DGKB: variants seen among roughly 807,000 people sequenced by gnomAD.
DGKB encodes the protein 90 kDa diacylglycerol kinase.
Under a neutral mutation model 114.3 loss-of-function variants are expected in DGKB, and 67 were observed. The observed-to-expected ratio is 0.59, with a 90% CI of 0.48 to 0.72. The LOEUF is 0.72. DGKB is among the 30% of genes least tolerant of loss of function. The pLI, the probability that DGKB is intolerant of heterozygous loss-of-function variation, is 0.00. For synonymous variants in DGKB, 398 were observed against 323.1 expected, an observed-to-expected ratio of 1.23 and a Z score of -2.49; for missense variants, 907 against 975.2, an observed-to-expected ratio of 0.93 and a Z score of 0.93.
chr7:14,444,104 G>T (rs549671998), intron 21 of DGKB, among the ~76,000 whole-genome samples: 9 of 151,718 alleles, frequency 5.9e-5, no homozygotes, highest in African/African-American at 2.2e-4. Flanking sequence ...AATTTGGCTT[G>T]TTTTTCAAAT....
At chr7:14,584,398 C>T (rs1029013842) in intron 17 of DGKB, among the ~76,000 whole-genome samples, 1 of 152,106 alleles carries the variant, frequency 6.6e-6, no homozygotes, top group Non-Finnish European at 1.5e-5. Context: ...ATCATTATAT[C>T]CCTCTGAATG....
chr7:14,537,075 CA>C (rs371387624), intron 20 of DGKB, among the ~76,000 whole-genome samples: 1 of 151,920 alleles, frequency 6.6e-6, no homozygotes, highest in African/African-American at 2.4e-5. Context: ...ACAATATCAC[CA>C]AAAAGAAAAA....
intron 21 of DGKB, among the ~76,000 whole-genome samples, chr7:14,360,616 C>T (rs991871908): frequency 6.6e-6 from 1 of 151,912 alleles, no homozygotes; most frequent in Non-Finnish European, 1.5e-5. Flanking sequence ...CAACTTTTTA[C>T]AACTAGAATA....
At chr7:14,687,097 T>G (rs1821837844) in intron 9 of DGKB, among the ~76,000 whole-genome samples, 1 of 152,124 alleles carries the variant, frequency 6.6e-6, no homozygotes, top group South Asian at 2.1e-4. Flanking sequence ...TGCACAATCA[T>G]CAATTGGGTC....
At chr7:14,155,774 A>T (rs1017266765) in intron 25 of DGKB, among the ~76,000 whole-genome samples, 1 of 152,086 alleles carries the variant, frequency 6.6e-6, no homozygotes, top group Non-Finnish European at 1.5e-5. Context: ...GTGTGTAGTG[A>T]TGCTTTTTAT....
At chr7:14,630,641 T>G (rs572883806) in intron 13 of DGKB, among the ~76,000 whole-genome samples, 1 of 152,164 alleles carries the variant, frequency 6.6e-6, no homozygotes, top group African/African-American at 2.4e-5. Context: ...GAAGTCCAAC[T>G]CTCATTCTTT....
intron 1 of DGKB, among the ~76,000 whole-genome samples, chr7:14,943,717 A>C (rs1385466924): frequency 6.6e-6 from 1 of 151,898 alleles, no homozygotes; most frequent in Non-Finnish European, 1.5e-5. Flanking sequence ...TTAAATTTTC[A>C]AGAATTTTGT....
chr7:14,805,509 G>GT (rs1172261212), intron 2 of DGKB, among the ~76,000 whole-genome samples: 1 of 151,880 alleles, frequency 6.6e-6, no homozygotes, highest in Non-Finnish European at 1.5e-5. Context: ...ACTTTTCATG[G>GT]TTTTTTTCAG....
chr7:14,712,248 T>C (rs1827480958), intron 6 of DGKB, among the ~76,000 whole-genome samples: 1 of 151,770 alleles, frequency 6.6e-6, no homozygotes, highest in African/African-American at 2.4e-5. Flanking sequence ...CAAGAAAAAA[T>C]AGTAATTCAG....
chr7:14,502,899 A>C (rs1786426356), intron 20 of DGKB, among the ~76,000 whole-genome samples: 1 of 151,496 alleles, frequency 6.6e-6, no homozygotes, highest in Non-Finnish European at 1.5e-5. Context: ...CCATTCACCT[A>C]CTCCTCTCAT....
At chr7:14,647,971 C>A in intron 13 of DGKB, among the ~76,000 whole-genome samples, 1 of 152,352 alleles carries the variant, frequency 6.6e-6, no homozygotes, top group East Asian at 1.9e-4. Context: ...AGATTATATC[C>A]TGCACCTGGC....
At chr7:14,276,462 C>G (rs1342656012) in intron 23 of DGKB, among the ~76,000 whole-genome samples, 1 of 152,000 alleles carries the variant, frequency 6.6e-6, no homozygotes, top group Non-Finnish European at 1.5e-5. Flanking sequence ...TTTTTAAAAA[C>G]ATTTCCGACA....
chr7:14,485,402 T>A (rs759584888), intron 20 of DGKB, among the ~76,000 whole-genome samples: 3 of 151,732 alleles, frequency 2.0e-5, no homozygotes, highest in Non-Finnish European at 2.9e-5. Flanking sequence ...ATACTTCAGA[T>A]GGAACCCATT....
At chr7:14,251,537 C>T (rs1357602869) in intron 23 of DGKB, among the ~76,000 whole-genome samples, 1 of 152,068 alleles carries the variant, frequency 6.6e-6, no homozygotes, top group Non-Finnish European at 1.5e-5. Context: ...AATTTATATA[C>T]TATCACTACA....
In DGKB at chr7:14,149,096, G is replaced by T; in HGVS notation, c.*35C>A. 6.4e-7 allele frequency: 1 copy of T among 1,555,200 alleles called. No individual in the cohort carries two copies. Among genetic ancestry groups the T allele is most frequent in the Non-Finnish European group, 8.9e-7 (1 of 1,126,682 alleles). On this transcript the variant is annotated 3_prime_UTR_variant, in exon 26 of 26. Coordinates refer to ENST00000402815, the MANE Select transcript of DGKB (RefSeq NM_001350709.2). ...CATATGTGTTCCATGGCCCAATTAT[G>T]CTAATTCAATTTCTAAGAGTGAAAC...
intron 20 of DGKB, among the ~76,000 whole-genome samples, chr7:14,572,287 C>CAAA (rs11333094): frequency 1.6e-4 from 21 of 135,196 alleles, no homozygotes; most frequent in African/African-American, 5.9e-4. Flanking sequence ...ACTAAAAATA[C>CAAA]AAAAAAAAAA....
chr7:14,209,802 G>A (rs1787456830), intron 23 of DGKB, among the ~76,000 whole-genome samples: 1 of 151,938 alleles, frequency 6.6e-6, no homozygotes. Flanking sequence ...TAGTGGATTT[G>A]CATGGGGGGG....
intron 25 of DGKB, among the ~76,000 whole-genome samples, chr7:14,173,511 G>C (rs1562531046): frequency 6.6e-6 from 1 of 152,004 alleles, no homozygotes; most frequent in East Asian, 1.9e-4. Flanking sequence ...TCTACTAATA[G>C]AAAAAACAGA....
intron 23 of DGKB, among the ~76,000 whole-genome samples, chr7:14,326,836 G>T (rs916925531): frequency 3.3e-5 from 5 of 151,936 alleles, no homozygotes; most frequent in African/African-American, 1.2e-4. Flanking sequence ...TTTATTCCAG[G>T]CTTCATTTTG....
Sources: gnomAD v4.1 joint callset for allele counts (sites outside exome capture counted in the v4.1 genomes callset) on GRCh38, gnomAD v4.1.1 for gene constraint, MANE v1.5 for transcripts, NCBI Gene and HGNC (gene_info 2026-07-23, HGNC 2026-07-21) for gene names.